Variants in RGSL1 observed in about 807,000 individuals in gnomAD.
The protein encoded by RGSL1 is regulator of G protein signaling protein-like.
Under a neutral mutation model 124.7 loss-of-function variants are expected in RGSL1, and 97 were observed. That is an observed-to-expected ratio of 0.78 (90% CI 0.66 to 0.92). RGSL1 has a LOEUF of 0.92. Ranked by LOEUF, RGSL1 falls within the 40% of genes least tolerant of loss-of-function variation. The pLI, the probability that RGSL1 is intolerant of heterozygous loss-of-function variation, is 0.00. For synonymous variants in RGSL1, 424 were observed against 438.1 expected (o/e 0.97, Z 0.40); for missense variants, 1,233 against 1,288.4 (o/e 0.96, Z 0.66).
At chr1:182,505,832 C>T (rs535561) in intron 9 of RGSL1, among the ~76,000 whole-genome samples, 151,907 of 152,310 alleles carry the variant, frequency 1, 75,755 homozygotes, top group Non-Finnish European at 1. Flanking sequence ...GAAATATAAT[C>T]GATTTTTATG....
intron 11 of RGSL1, among the ~76,000 whole-genome samples, chr1:182,529,363 C>T (rs929201423): frequency 2.0e-5 from 3 of 152,082 alleles, no homozygotes; most frequent in Admixed American, 6.6e-5. Context: ...GATACAAAAA[C>T]CAAGAGTTAG....
At chr1:182,488,725 CAAAAA>C (rs561296385) in intron 7 of RGSL1, 264 of 104,548 alleles carry the variant, frequency 2.5e-3, no homozygotes, top group Middle Eastern at 6.3e-3. Flanking sequence ...GACTCCGTCT[CAAAAA>C]AAAAAAAAAA....
chr1:182,506,814 C>G (rs1656840905), intron 9 of RGSL1, among the ~76,000 whole-genome samples: 1 of 152,132 alleles, frequency 6.6e-6, no homozygotes, highest in African/African-American at 2.4e-5. Context: ...GACAATTAAA[C>G]ACATTCACAT....
chr1:182,526,549 C>A (rs960156462), intron 10 of RGSL1, among the ~76,000 whole-genome samples: 3 of 151,988 alleles, frequency 2.0e-5, no homozygotes, highest in Non-Finnish European at 2.9e-5. Context: ...TGGTGCACAC[C>A]TGTAGTTACA....
chr1:182,458,265 T>C (rs960625935), intron 2 of RGSL1, 54 bp from the exon 3 acceptor site: 7 of 1,339,946 alleles, frequency 5.2e-6, no homozygotes, highest in African/African-American at 1.5e-5. Flanking sequence ...GACTGTGTCA[T>C]ATACATGAAG....
At chr1:182,511,139 A>G (rs1468981816) in intron 9 of RGSL1, among the ~76,000 whole-genome samples, 1 of 152,022 alleles carries the variant, frequency 6.6e-6, no homozygotes, top group Non-Finnish European at 1.5e-5. Context: ...GTCTAGTTTC[A>G]TTCTTCTCCA....
intron 4 of RGSL1, among the ~76,000 whole-genome samples, chr1:182,471,581 G>A (rs760032969): frequency 3.9e-5 from 6 of 152,140 alleles, no homozygotes; most frequent in East Asian, 1.9e-4. Flanking sequence ...CCTTTTACTC[G>A]TTTATTCATT....
At chr1:182,553,325 G>A (rs1319247047) in intron 18 of RGSL1, 130 bp from the exon 19 acceptor site, 1 of 682,084 alleles carries the variant, frequency 1.5e-6, no homozygotes, top group African/African-American at 1.8e-5. Context: ...TTTAGATTTA[G>A]ATAATGTTTT....
chr1:182,509,310 A>C (rs865832596), intron 9 of RGSL1, among the ~76,000 whole-genome samples: 1 of 20,898 alleles, frequency 4.8e-5, no homozygotes, highest in Non-Finnish European at 1.2e-4. Flanking sequence ...CTGGCCGGGC[A>C]GGGGGCTGAC....
intron 4 of RGSL1, among the ~76,000 whole-genome samples, chr1:182,471,957 A>T (rs573818097): frequency 5.3e-5 from 8 of 152,188 alleles, no homozygotes; most frequent in Non-Finnish European, 1.2e-4. Flanking sequence ...TGCCACTCAG[A>T]GTTCAGGCCT....
chr1:182,551,143 G>T lies in RGSL1; in HGVS notation c.2977G>T (p.Gly993Trp), dbSNP rs1399797119. ...AACCCGCTCTTACTTACAGTATAGG[G>T]GGAAGAAGTTCAAGGACAGAAAAAG... ...KATRSYLQYRGKKFKDRKSPP... is the reference protein window; with the variant it reads ...KATRSYLQYRWKKFKDRKSPP... The change falls in exon 18 of 22, where the codon GGG becomes TGG. Residue 993 changes from glycine to tryptophan, a missense_variant. Coordinates refer to ENST00000294854, the MANE Select transcript of RGSL1 (RefSeq NM_001137669.2). 1 of 1,551,580 alleles carries T rather than the reference G, an allele frequency of 6.4e-7. No individual in the cohort carries two copies. Among genetic ancestry groups the T allele is most frequent in the Non-Finnish European group, 8.7e-7 (1 of 1,146,990 alleles).
rs540661257 is a variant in RGSL1, at chr1:182,501,475, C to A, written c.1825+8346C>A. Among the ~76,000 whole-genome samples the A allele has an allele frequency of 4.0e-5, 6 of 151,636 alleles. No individual in the cohort carries two copies. In the East Asian group the frequency reaches 1.2e-3, roughly 29 times the overall value. ...CTGGGATTACAGGTGTGTACCATTACGCCTGGCTAATTTTTGAATTTTTAT... is the reference window on the plus strand; with the variant it reads ...CTGGGATTACAGGTGTGTACCATTAAGCCTGGCTAATTTTTGAATTTTTAT... On this transcript the variant is annotated intron_variant, in intron 9 of 21. Transcript: ENST00000294854.
intron 10 of RGSL1, 121 bp from the exon 11 acceptor site, chr1:182,527,458 C>A: frequency 2.6e-6 from 2 of 767,870 alleles, no homozygotes; most frequent in Non-Finnish European, 4.2e-6. Context: ...ATCCACAATG[C>A]TTTTCACATA....
At chr1:182,506,921 T>C (rs376783230) in intron 9 of RGSL1, among the ~76,000 whole-genome samples, 11 of 152,084 alleles carry the variant, frequency 7.2e-5, no homozygotes, top group East Asian at 5.8e-4. Flanking sequence ...CTCTTCTAGC[T>C]AGCTTGAAAT....
intron 6 of RGSL1, among the ~76,000 whole-genome samples, chr1:182,479,574 GAGAA>G (rs1406323096): frequency 1.3e-5 from 2 of 152,212 alleles, no homozygotes; most frequent in Non-Finnish European, 2.9e-5. Context: ...GACAGCAATA[GAGAA>G]AGAGAGGGAA....
At chr1:182,556,837 A>G (rs958885443) in intron 21 of RGSL1, among the ~76,000 whole-genome samples, 1 of 152,246 alleles carries the variant, frequency 6.6e-6, no homozygotes, top group African/African-American at 2.4e-5. Context: ...AAAAAAAATC[A>G]GAAGTAAAAT....
At chr1:182,504,016 T>C (rs1656613079) in intron 9 of RGSL1, among the ~76,000 whole-genome samples, 1 of 142,440 alleles carries the variant, frequency 7.0e-6, no homozygotes, top group Non-Finnish European at 1.5e-5. Flanking sequence ...AGTCTCACTC[T>C]GTCACCCAGG....
chr1:182,515,690 G>A (rs1657832330), intron 9 of RGSL1, among the ~76,000 whole-genome samples: 1 of 152,208 alleles, frequency 6.6e-6, no homozygotes, highest in South Asian at 2.1e-4. Context: ...CGCCGGCACG[G>A]CAAACAGGAG....
chr1:182,527,769 C>T lies in RGSL1; in HGVS notation c.2122C>T (p.Pro708Ser). Residue 708 changes from proline (P) to serine (S), a missense_variant, in exon 11 of 22, where the codon CCT becomes TCT. Pro to Ser is a moderately conservative substitution (Grantham distance 74). Transcript: ENST00000294854. ...GACTTTCTTCCAAGGCCAACTCTCT[C>T]CTGGTATGCATCCTCTTCTGATCCT... is the stretch of plus-strand genomic sequence containing the variant. ...IKTFFQGQLS[P>S]EEMLQCDAPI... 6.5e-7 allele frequency: 1 copy of T among 1,548,610 alleles called. No individual in the cohort carries two copies. The highest frequency in any genetic ancestry group is 1.2e-5 in the South Asian group (1 of 83,682).
Sources: gnomAD v4.1 joint callset for allele counts (sites outside exome capture counted in the v4.1 genomes callset) on GRCh38, gnomAD v4.1.1 for gene constraint, MANE v1.5 for transcripts, NCBI Gene and HGNC (gene_info 2026-07-23, HGNC 2026-07-21) for gene names.